PHKB: variants seen among roughly 807,000 people sequenced by gnomAD.
The protein encoded by PHKB is phosphorylase b kinase regulatory subunit beta.
A neutral mutation model predicts 152.1 loss-of-function variants in PHKB; 122 were observed. The ratio of observed to expected loss-of-function variants is 0.80; its 90% CI spans 0.69 to 0.93. PHKB has a LOEUF of 0.93. Ranked by LOEUF, PHKB falls within the 40% of genes least tolerant of loss-of-function variation. The pLI, the probability that PHKB is intolerant of heterozygous loss-of-function variation, is 0.00. For synonymous variants in PHKB, 436 were observed against 464.9 expected, an observed-to-expected ratio of 0.94 and a Z score of 0.80; for missense variants, 1,304 against 1,328.4, an observed-to-expected ratio of 0.98 and a Z score of 0.29.
chr16:47,515,413 T>G, intron 5 of PHKB, 108 bp from the exon 6 acceptor site: 1 of 708,042 alleles, frequency 1.4e-6, no homozygotes, highest in South Asian at 1.5e-5. Flanking sequence ...GGAAATAGTT[T>G]TATGACACTA....
intron 1 of PHKB, among the ~76,000 whole-genome samples, chr16:47,483,542 TA>T (rs1278152828): frequency 6.6e-6 from 1 of 152,214 alleles, no homozygotes; most frequent in African/African-American, 2.4e-5. Flanking sequence ...AGATTAGTAT[TA>T]TTCTCTATAA....
Position 47,684,937 on chromosome 16 carries a change from T to C in PHKB, c.2631-4104T>C, listed in dbSNP as rs989607673. On this transcript the variant is annotated intron_variant, in intron 26 of 30. Transcript: ENST00000323584. The stretch of plus-strand genomic sequence containing the variant: ...AGGTTGATTTGGTCAGTCGTGTGTA[T>C]CTACCTTCTCATTTGCTTGTTGGCG... 7.9e-5 allele frequency among the ~76,000 whole-genome samples: 12 copies of C among 152,222 alleles called. 1 individual carries two copies. The highest frequency in any genetic ancestry group is 1.9e-4 in the African/African-American group (8 of 41,460).
At chr16:47,603,503 CT>C (rs1200510899) in intron 13 of PHKB, among the ~76,000 whole-genome samples, 4,012 of 132,514 alleles carry the variant, frequency 0.03, 86 homozygotes, top group East Asian at 0.093. Context: ...AACTGACTTT[CT>C]TTTTTTTTTT....
Position 47,557,994 on chromosome 16 carries a change from A to C in PHKB, c.710+10446A>C, listed in dbSNP as rs532079552. Among the ~76,000 whole-genome samples the C allele has an allele frequency of 1.8e-4, 27 of 152,032 alleles. No individual in the cohort carries two copies. In the East Asian group the frequency reaches 3.9e-3, roughly 22 times the overall value. The stretch of plus-strand genomic sequence containing the variant: ...GACTTGGAACCAACCCAAATGTCCA[A>C]CAATGATAGACTGGATTAAGAAAAT... On this transcript the variant is annotated intron_variant, in intron 7 of 30. Transcript: ENST00000323584.
chr16:47,550,192 A>C (rs1201772906), intron 7 of PHKB, among the ~76,000 whole-genome samples: 3 of 152,198 alleles, frequency 2.0e-5, no homozygotes, highest in Non-Finnish European at 4.4e-5. Context: ...GTTGAACTCC[A>C]TGTGCTCACG....
At chr16:47,580,212 G>T (rs1971818587) in intron 7 of PHKB, 83 bp from the exon 8 acceptor site, 7 of 979,116 alleles carry the variant, frequency 7.1e-6, no homozygotes, top group Middle Eastern at 2.2e-4. Context: ...AAAGAAATTT[G>T]CTCGTGAATA....
intron 7 of PHKB, among the ~76,000 whole-genome samples, chr16:47,552,461 C>T (rs1971289123): frequency 1.3e-5 from 2 of 152,104 alleles, no homozygotes; most frequent in Admixed American, 1.3e-4. Flanking sequence ...TTTATTTCTC[C>T]TTTGCTTATG....
At chr16:47,652,356 G>T (rs1973252176) in intron 20 of PHKB, among the ~76,000 whole-genome samples, 3 of 147,888 alleles carry the variant, frequency 2.0e-5, no homozygotes, top group Admixed American at 2.0e-4. Context: ...TTCAATCCTT[G>T]CCCTCCTTCC....
At chr16:47,539,298 A>G (rs1971008442) in intron 6 of PHKB, among the ~76,000 whole-genome samples, 1 of 152,184 alleles carries the variant, frequency 6.6e-6, no homozygotes. Flanking sequence ...ATTTCAGGAT[A>G]ATGAATAAAC....
intron 15 of PHKB, 46 bp downstream of exon 15, chr16:47,641,136 G>C: frequency 6.9e-7 from 1 of 1,445,778 alleles, no homozygotes; most frequent in South Asian, 1.1e-5. Context: ...GGGAGGGGAG[G>C]GGAGGGGAAA....
At chr16:47,621,447 T>C (rs960314609) in intron 14 of PHKB, among the ~76,000 whole-genome samples, 1 of 152,220 alleles carries the variant, frequency 6.6e-6, no homozygotes, top group African/African-American at 2.4e-5. Flanking sequence ...TTTAAAGATT[T>C]ATTAGTCTTT....
intron 8 of PHKB, among the ~76,000 whole-genome samples, chr16:47,581,629 T>G (rs910665642): frequency 9.9e-5 from 15 of 152,248 alleles, no homozygotes; most frequent in Non-Finnish European, 1.8e-4. Context: ...AGCATAGTGC[T>G]TTGCAGAGAT....
At position 47,504,913 on chromosome 16, in the gene PHKB, G is replaced by A. The variant is rs867885472; in HGVS notation, c.405+1823G>A. On this transcript the variant is annotated intron_variant, in intron 4 of 30. Coordinates refer to ENST00000323584, the MANE Select transcript of PHKB (RefSeq NM_000293.3). ...CCCCAGAGGTGGAGCACCAGGGCAC[G>A]TGTTAGGACCTGAAAGATGATGAAC... Among the ~76,000 whole-genome samples the A allele has an allele frequency of 1.6e-4, 24 of 152,228 alleles. 1 individual carries two copies. The highest frequency in any genetic ancestry group is 1.3e-3 in the Admixed American group (20 of 15,286).
At position 47,696,443 on chromosome 16, in the gene PHKB, G is replaced by A. The variant is rs748651257; in HGVS notation, c.2958G>A (p.Thr986=). The change falls in exon 29 of 31, where the codon ACG becomes ACA. Residue 986 remains threonine (T), a synonymous_variant. Coordinates refer to ENST00000323584, the MANE Select transcript of PHKB (RefSeq NM_000293.3). ...EMNFSLLVED[T]LGNIDQPQYR... is the part of the protein sequence containing the mutation. ...ATTTCTCTCTCCTTGTTGAAGACACGTTGGGAAATATTGACCAGCCACAGT... is the reference window on the plus strand; with the variant it reads ...ATTTCTCTCTCCTTGTTGAAGACACATTGGGAAATATTGACCAGCCACAGT... The A allele has an allele frequency of 2.0e-5, 32 of 1,610,656 alleles. No homozygotes were observed. In the Admixed American group the frequency reaches 3.8e-4, roughly 19 times the overall value.
intron 20 of PHKB, among the ~76,000 whole-genome samples, chr16:47,660,001 C>A (rs1228518989): frequency 1.3e-5 from 2 of 152,022 alleles, no homozygotes; most frequent in East Asian, 3.9e-4. Flanking sequence ...GTAGCTGGGA[C>A]TACAGGCACA....
At chr16:47,497,360 A>C in intron 1 of PHKB, 39 bp from the exon 2 acceptor site, 1 of 1,259,278 alleles carries the variant, frequency 7.9e-7, no homozygotes, top group South Asian at 1.2e-5. Context: ...ATCTTTGTGA[A>C]AATGACTGAA....
chr16:47,660,466 T>C (rs1232366105), intron 20 of PHKB, 40 bp from the exon 21 acceptor site: 1 of 1,519,410 alleles, frequency 6.6e-7, no homozygotes, highest in Admixed American at 1.7e-5. Context: ...TATGGCTTGA[T>C]GTATCTAAGA....
chr16:47,544,832 C>T (rs1193101272), intron 6 of PHKB, among the ~76,000 whole-genome samples: 2 of 152,290 alleles, frequency 1.3e-5, no homozygotes, highest in Middle Eastern at 3.4e-3. Context: ...GAACTGATCC[C>T]TTTACCATTA....
At chr16:47,682,173 T>G (rs537171004) in intron 26 of PHKB, among the ~76,000 whole-genome samples, 107 of 152,354 alleles carry the variant, frequency 7.0e-4, no homozygotes, top group Non-Finnish European at 1.4e-3. Flanking sequence ...ACCCGACCTT[T>G]CTCTCTGGCT....
Sources: allele counts gnomAD v4.1 joint callset (sites outside exome capture counted in the v4.1 genomes callset), GRCh38; gene constraint gnomAD v4.1.1; transcripts MANE v1.5; gene names NCBI Gene and HGNC (gene_info 2026-07-23, HGNC 2026-07-21).